PARD3: variants seen among roughly 807,000 people sequenced by gnomAD.
The protein encoded by PARD3 is par-3 family cell polarity regulator.
In PARD3, 75 loss-of-function variants were observed where a neutral mutation model predicts 155.4. That is an observed-to-expected ratio of 0.48 (90% CI 0.40 to 0.58). The LOEUF is 0.58. Ranked by LOEUF, PARD3 falls within the 20% of genes least tolerant of loss-of-function variation. The probability of loss-of-function intolerance (pLI) is 0.00; values close to 1 mark genes in which losing one functional copy is unlikely to be tolerated. For missense variants in PARD3, 1,642 were observed against 1,721.7 expected (o/e 0.95, Z 0.82); for synonymous variants, 576 against 610.5 (o/e 0.94, Z 0.83).
At chr10:34,701,378 C>G (rs374611825) in intron 1 of PARD3, among the ~76,000 whole-genome samples, 2 of 95,140 alleles carry the variant, frequency 2.1e-5, no homozygotes, top group South Asian at 8.4e-4. Flanking sequence ...GTTGTTGTTT[C>G]CAAGCATAAT....
rs1012399296 is a variant in PARD3 at position 34,789,231 on chromosome 10, G to A, written c.120+25645C>T. Reference sequence around the variant, plus strand: ...GGCTGGAGCCCAGGAGGCCGAGGCCGCAGTGAGCCATGAAGAATTGTGCCG... The same window carrying A: ...GGCTGGAGCCCAGGAGGCCGAGGCCACAGTGAGCCATGAAGAATTGTGCCG... On this transcript the variant is annotated intron_variant, in intron 1 of 24. Transcript: ENST00000374788. Among the ~76,000 whole-genome samples, 36 of 151,266 alleles carry A rather than the reference G, an allele frequency of 2.4e-4. 1 individual carries two copies. The highest frequency in any genetic ancestry group is 2.7e-4 in the African/African-American group (11 of 41,188).
chr10:34,700,043 AAG>A (rs1340981107), intron 1 of PARD3, among the ~76,000 whole-genome samples: 2 of 152,212 alleles, frequency 1.3e-5, no homozygotes, highest in South Asian at 2.1e-4. Context: ...AAAATAACAA[AAG>A]AGTTAAACAC....
chr10:34,509,315 C>A (rs1236957736), intron 3 of PARD3, among the ~76,000 whole-genome samples: 1 of 152,034 alleles, frequency 6.6e-6, no homozygotes. Context: ...CAATATGCAT[C>A]ATTCCCTAAA....
At chr10:34,136,386 T>A (rs1947898121) in intron 22 of PARD3, among the ~76,000 whole-genome samples, 1 of 152,208 alleles carries the variant, frequency 6.6e-6, no homozygotes, top group South Asian at 2.1e-4. Context: ...TAATTCTTCA[T>A]GGATTAAAAA....
intron 4 of PARD3, among the ~76,000 whole-genome samples, chr10:34,464,435 T>C (rs914365458): frequency 6.6e-6 from 1 of 152,204 alleles, no homozygotes; most frequent in Non-Finnish European, 1.5e-5. Context: ...TTTATTAGCC[T>C]AGAATTTATG....
At chr10:34,206,382 C>T (rs529735795) in intron 22 of PARD3, among the ~76,000 whole-genome samples, 13 of 152,198 alleles carry the variant, frequency 8.5e-5, no homozygotes, top group African/African-American at 2.2e-4. Flanking sequence ...AGGAAATGGG[C>T]GGCGTTTGCC....
In PARD3 at chr10:34,269,686, C is replaced by T. The variant is rs201260920; in HGVS notation, c.3390G>A (p.Pro1130=). 1.7e-4 allele frequency: 274 copies of T among 1,614,012 alleles called. 2 individuals are homozygous for T. The South Asian group carries it at 1.8e-3, about 10-fold the overall frequency. ...CTACAGGTGAGGGTTTGGAATTCCG[C>T]GGCTTCTTGACTTGGGCATACAAAG... ...MDALYAQVKK[P]RNSKPSPVDS... is the part of the protein sequence containing the mutation. The change falls in exon 22 of 25, where the codon CCG becomes CCA. Residue 1130 remains proline, a synonymous_variant. Transcript: ENST00000374788.
chr10:34,343,560 C>T, intron 15 of PARD3: 2 of 985,148 alleles, frequency 2.0e-6, no homozygotes, highest in Non-Finnish European at 2.4e-6. Flanking sequence ...TTTGAAAACC[C>T]ATATTTTCCA....
rs181394570 is a variant in PARD3, at chr10:34,663,573, G to A, written c.222+32745C>T. On this transcript the variant is annotated intron_variant, in intron 2 of 24. Transcript: ENST00000374788. Reference sequence around the variant, plus strand: ...CCCCATAAATATACACACCTAATACGTATCCACAAAAATAAAAAATTTTTA... The same window carrying A: ...CCCCATAAATATACACACCTAATACATATCCACAAAAATAAAAAATTTTTA... Among the ~76,000 whole-genome samples the A allele has an allele frequency of 1.3e-4, 19 of 151,968 alleles. No homozygotes were observed. In the East Asian group the frequency reaches 3.5e-3, roughly 28 times the overall value.
chr10:34,471,942 A>G (rs2133091545), intron 3 of PARD3, among the ~76,000 whole-genome samples: 1 of 152,300 alleles, frequency 6.6e-6, no homozygotes, highest in African/African-American at 2.4e-5. Context: ...GCACTGGTCA[A>G]TGGTAAAGAT....
intron 22 of PARD3, among the ~76,000 whole-genome samples, chr10:34,218,618 A>AT (rs1244158969): frequency 2.0e-5 from 3 of 152,006 alleles, no homozygotes; most frequent in African/African-American, 4.8e-5. Flanking sequence ...AGAAAAACAA[A>AT]TTTTTTTTTG....
At chr10:34,258,921 T>C (rs1330855670) in intron 22 of PARD3, among the ~76,000 whole-genome samples, 1 of 151,876 alleles carries the variant, frequency 6.6e-6, no homozygotes, top group Non-Finnish European at 1.5e-5. Context: ...AAAATAAAAT[T>C]AGCTGGGCAT....
chr10:34,644,602 A>G (rs1412012624), intron 2 of PARD3, among the ~76,000 whole-genome samples: 1 of 152,240 alleles, frequency 6.6e-6, no homozygotes, highest in Non-Finnish European at 1.5e-5. Flanking sequence ...AATCTAGGGA[A>G]TAAGGACAAA....
intron 5 of PARD3, among the ~76,000 whole-genome samples, chr10:34,420,079 G>A (rs1434055264): frequency 6.6e-6 from 1 of 152,222 alleles, no homozygotes; most frequent in African/African-American, 2.4e-5. Flanking sequence ...AGCCTCCAGA[G>A]TAGCTAGTAC....
chr10:34,680,729 C>G (rs1276872026), intron 2 of PARD3, among the ~76,000 whole-genome samples: 1 of 149,540 alleles, frequency 6.7e-6, no homozygotes, highest in African/African-American at 2.5e-5. Flanking sequence ...TAAACTATCG[C>G]AAGAGCAAAA....
intron 2 of PARD3, among the ~76,000 whole-genome samples, chr10:34,593,844 T>C (rs1325993394): frequency 6.6e-6 from 1 of 152,198 alleles, no homozygotes; most frequent in African/African-American, 2.4e-5. Context: ...TAGGAATTCA[T>C]TTCTGTCATT....
chr10:34,435,470 T>C (rs2076142085), intron 5 of PARD3, among the ~76,000 whole-genome samples: 1 of 152,168 alleles, frequency 6.6e-6, no homozygotes, highest in Non-Finnish European at 1.5e-5. Flanking sequence ...GGTAGTAAGA[T>C]AATGAGAATA....
At chr10:34,232,406 T>C (rs1318537937) in intron 22 of PARD3, among the ~76,000 whole-genome samples, 2 of 152,122 alleles carry the variant, frequency 1.3e-5, no homozygotes, top group African/African-American at 4.8e-5. Context: ...TTAGGAAACC[T>C]GGTAAAACAC....
chr10:34,542,232 T>TGCAC (rs1171817871), intron 2 of PARD3, among the ~76,000 whole-genome samples: 2 of 4,594 alleles, frequency 4.4e-4, no homozygotes, highest in Non-Finnish European at 2.5e-3. Context: ...TGTGTGTGTG[T>TGCAC]GTGTGTGCAC....
Sources: gnomAD v4.1 joint callset for allele counts (sites outside exome capture counted in the v4.1 genomes callset) on GRCh38, gnomAD v4.1.1 for gene constraint, MANE v1.5 for transcripts, NCBI Gene and HGNC (gene_info 2026-07-23, HGNC 2026-07-21) for gene names.